Variants in KIF26B observed in about 807,000 individuals in gnomAD.
The protein encoded by KIF26B is kinesin-like protein KIF26B.
KIF26B carries 63 observed loss-of-function variants against 151.2 expected under a neutral mutation model. The ratio of observed to expected loss-of-function variants is 0.42; its 90% CI spans 0.34 to 0.51. The LOEUF (loss-of-function observed/expected upper bound fraction) is 0.51. Among genes scored for constraint, KIF26B ranks in the 20% least tolerant of loss-of-function variants. The pLI is 0.07. For missense variants in KIF26B, 2,813 were observed against 2,913.6 expected (o/e 0.97, Z 0.79); for synonymous variants, 1,357 against 1,262.1 (o/e 1.08, Z -1.59).
At position 245,495,933 on chromosome 1, in the gene KIF26B, G is replaced by T. The variant is rs1388432332; in HGVS notation, c.1167-44834G>T. Among the ~76,000 whole-genome samples the T allele has an allele frequency of 3.3e-5, 5 of 152,218 alleles. No homozygotes were observed. Among genetic ancestry groups the T allele is most frequent in the African/African-American group, 1.2e-4 (5 of 41,454 alleles). On this transcript the variant is annotated intron_variant, in intron 4 of 14. Coordinates refer to ENST00000407071, the MANE Select transcript of KIF26B (RefSeq NM_018012.4). This position sits in a 1 kb window ranked among gnomAD's most constrained non-coding sequence, Gnocchi z 4.2. ...GGAACGTCATATTCATGGGTTGAAA[G>T]AATGTAACCGTCAACCTAAAAGTTT...
chr1:245,707,169 C>T lies in KIF26B; in HGVS notation c.*4563C>T, dbSNP rs1408202446. The T allele has an allele frequency of 6.6e-6, 1 of 152,176 alleles. No individual in the cohort carries two copies. Among genetic ancestry groups the T allele is most frequent in the African/African-American group, 2.4e-5 (1 of 41,446 alleles). The allele number at this position is 152,176 out of a possible 1,614,324, so 9.4% of individuals were successfully genotyped here. On this transcript the variant is annotated 3_prime_UTR_variant, in exon 15 of 15. Transcript: ENST00000407071. The stretch of plus-strand genomic sequence containing the variant: ...ACTAATTTATCCCTCCCTAAACAAA[C>T]ACATTCTGCTTTTGGGTGGCCCTAC...
chr1:245,459,909 T>C (rs554665133), intron 4 of KIF26B, among the ~76,000 whole-genome samples: 5 of 147,974 alleles, frequency 3.4e-5, no homozygotes, highest in East Asian at 4.0e-4. Flanking sequence ...TTTTTTTTTT[T>C]CCCTGCCTGC....
At chr1:245,419,457 A>G in intron 3 of KIF26B, 122 bp from the exon 4 acceptor site, 1 of 802,454 alleles carries the variant, frequency 1.2e-6, no homozygotes. Context: ...GTGTAACTGA[A>G]TGCAGGTGGG....
intron 4 of KIF26B, among the ~76,000 whole-genome samples, chr1:245,420,720 C>T (rs952401657): frequency 9.9e-5 from 15 of 152,148 alleles, no homozygotes; most frequent in Admixed American, 2.0e-4. Context: ...AGGGTCGCTC[C>T]GAAGACTAAC....
At chr1:245,258,755 G>C (rs888181856) in intron 2 of KIF26B, among the ~76,000 whole-genome samples, 6 of 152,012 alleles carry the variant, frequency 3.9e-5, no homozygotes, top group Non-Finnish European at 7.4e-5. Context: ...TGGTGGGGGG[G>C]CATGAAATCA....
chr1:245,327,905 A>C (rs1363087983), intron 2 of KIF26B, among the ~76,000 whole-genome samples: 2 of 152,216 alleles, frequency 1.3e-5, no homozygotes, highest in Non-Finnish European at 2.9e-5. Context: ...GGAACTTGTG[A>C]CTTCCAGAAA....
chr1:245,350,571 TGG>T (rs1363172501), intron 2 of KIF26B, among the ~76,000 whole-genome samples: 1 of 151,400 alleles, frequency 6.6e-6, no homozygotes, highest in African/African-American at 2.5e-5. Context: ...GGGTAGACTC[TGG>T]TCTACCATAT....
chr1:245,399,953 T>C (rs1190593663), intron 3 of KIF26B, among the ~76,000 whole-genome samples: 2 of 152,220 alleles, frequency 1.3e-5, no homozygotes, highest in African/African-American at 4.8e-5. Flanking sequence ...GATACCAATG[T>C]TCAGTACCTT....
chr1:245,334,279 A>T (rs1430236433), intron 2 of KIF26B, among the ~76,000 whole-genome samples: 1 of 152,192 alleles, frequency 6.6e-6, no homozygotes, highest in Non-Finnish European at 1.5e-5. Flanking sequence ...TACTAACTTA[A>T]TTTGTGTTTT....
chr1:245,410,651 T>G (rs1448074607), intron 3 of KIF26B, among the ~76,000 whole-genome samples: 1 of 152,196 alleles, frequency 6.6e-6, no homozygotes, highest in African/African-American at 2.4e-5. Flanking sequence ...GGTTTCACCA[T>G]GTTACCCAGC....
intron 3 of KIF26B, among the ~76,000 whole-genome samples, chr1:245,371,208 A>C (rs1673112605): frequency 6.6e-6 from 1 of 151,994 alleles, no homozygotes; most frequent in Non-Finnish European, 1.5e-5. Flanking sequence ...CCTGGCTATG[A>C]ATCTGCGTCC....
intron 2 of KIF26B, among the ~76,000 whole-genome samples, chr1:245,264,450 G>C (rs1670703763): frequency 1.3e-5 from 2 of 152,068 alleles, no homozygotes; most frequent in African/African-American, 4.8e-5. Context: ...TTTGTTTTCT[G>C]TTCGGGCAAA....
At position 245,686,196 on chromosome 1, in the gene KIF26B, C is replaced by T. The variant is rs2044515141; in HGVS notation, c.3213C>T (p.Ala1071=). 1.2e-6 allele frequency: 2 copies of T among 1,612,504 alleles called. No individual in the cohort carries two copies. Among genetic ancestry groups the T allele is most frequent in the East Asian group, 4.5e-5 (2 of 44,862 alleles). Residue 1071 remains alanine (A), a synonymous_variant, in exon 12 of 15, where the codon GCC becomes GCT. Transcript: ENST00000407071. The surrounding 1 kb of genome is among the most constrained non-coding windows in gnomAD (Gnocchi z 5.6). The stretch of plus-strand genomic sequence containing the variant: ...TGGGCTCCCCCCGGCTGGGCATCGC[C>T]AGCCTGTCCAAGACCTCGGAGTACA... ...RPMGSPRLGI[A]SLSKTSEYKP... is the part of the protein sequence containing the mutation.
chr1:245,173,339 A>C (rs931089354), intron 2 of KIF26B, among the ~76,000 whole-genome samples: 5 of 152,004 alleles, frequency 3.3e-5, no homozygotes, highest in Admixed American at 2.0e-4. Flanking sequence ...AAAAATTATT[A>C]TGAGAGGTCA....
At chr1:245,374,572 G>C (rs1231649385) in intron 3 of KIF26B, among the ~76,000 whole-genome samples, 2 of 152,082 alleles carry the variant, frequency 1.3e-5, no homozygotes, top group Non-Finnish European at 2.9e-5. Context: ...TCTTGGGCCA[G>C]CACTGGGGTC....
At chr1:245,671,395 G>C (rs2044284390) in intron 10 of KIF26B, among the ~76,000 whole-genome samples, 1 of 152,156 alleles carries the variant, frequency 6.6e-6, no homozygotes, top group African/African-American at 2.4e-5. Flanking sequence ...GACAAATATT[G>C]TATGATTCCA....
chr1:245,540,860 C>T lies in KIF26B; in HGVS notation c.1260C>T (p.Phe420=). 1 of 1,613,950 alleles carries T rather than the reference C, an allele frequency of 6.2e-7. No individual in the cohort carries two copies. Among genetic ancestry groups the T allele is most frequent in the South Asian group, 1.1e-5 (1 of 91,084 alleles). Residue 420 remains phenylalanine, a synonymous_variant, in exon 5 of 15, where the codon TTC becomes TTT. Coordinates refer to ENST00000407071, the MANE Select transcript of KIF26B (RefSeq NM_018012.4). The surrounding 1 kb of genome is among the most constrained non-coding windows in gnomAD (Gnocchi z 4.6). Reference sequence around the variant, plus strand: ...AACCACCGCTCTTTGCAACCAGCTTCAGTGGGATTCTGCAGACCTCCCCTC... The same window carrying T: ...AACCACCGCTCTTTGCAACCAGCTTTAGTGGGATTCTGCAGACCTCCCCTC... ...AAEPPLFATS[F]SGILQTSPPP... is the part of the protein sequence containing the mutation.
Position 245,609,602 on chromosome 1 carries a change from G to C in KIF26B, c.1914+74G>C, listed in dbSNP as rs1423436419. The C allele has an allele frequency of 7.1e-6, 10 of 1,402,594 alleles. No individual in the cohort carries two copies. In the African/African-American group the frequency reaches 1.3e-4, roughly 18 times the overall value. 86.9% of individuals were successfully genotyped at this position (1,402,594 alleles called of 1,614,324 possible). Reference sequence around the variant, plus strand: ...CTCAGAGGCTGGGGCAGCTCCACCCGTGAATCACTGAACCTGTAAACTCAG... The same window carrying C: ...CTCAGAGGCTGGGGCAGCTCCACCCCTGAATCACTGAACCTGTAAACTCAG... On this transcript the variant is annotated intron_variant, in intron 8 of 14. Transcript: ENST00000407071.
At chr1:245,684,590 C>T (rs189133434) in intron 11 of KIF26B, among the ~76,000 whole-genome samples, 195 bp downstream of exon 11, 234 of 152,324 alleles carry the variant, frequency 1.5e-3, no homozygotes, top group African/African-American at 5.3e-3. Context: ...GTCATGTCAC[C>T]TCCCCACACC....
Sources: allele counts gnomAD v4.1 joint callset (sites outside exome capture counted in the v4.1 genomes callset), GRCh38; gene constraint gnomAD v4.1.1; non-coding constraint Gnocchi (gnomAD v3.1); transcripts MANE v1.5; gene names NCBI Gene and HGNC (gene_info 2026-07-23, HGNC 2026-07-21).